SLC37A1: variants seen among roughly 807,000 people sequenced by gnomAD.
The protein encoded by SLC37A1 is solute carrier family 37 member 1, also known as glucose-6-phosphate exchanger SLC37A1.
In SLC37A1, 49 loss-of-function variants were observed where a neutral mutation model predicts 75.3. The observed-to-expected ratio is 0.65, with a 90% CI of 0.52 to 0.83. The LOEUF (loss-of-function observed/expected upper bound fraction) is 0.83. Among genes scored for constraint, SLC37A1 ranks in the 40% least tolerant of loss-of-function variants. The pLI is 0.00. For missense variants in SLC37A1, 566 were observed against 695.0 expected (o/e 0.81, Z 2.09); for synonymous variants, 268 against 292.1 (o/e 0.92, Z 0.84).
chr21:42,553,187 A>T (rs2055598865), intron 9 of SLC37A1, among the ~76,000 whole-genome samples: 1 of 152,184 alleles, frequency 6.6e-6, no homozygotes. Flanking sequence ...TTAGCGTGCA[A>T]GCCTGGTGGT....
intron 2 of SLC37A1, among the ~76,000 whole-genome samples, chr21:42,505,077 C>G (rs2054372172): frequency 1.3e-5 from 2 of 152,220 alleles, no homozygotes; most frequent in Admixed American, 6.5e-5. Context: ...GTCTCCCTGC[C>G]CTTAGTCTCA....
In SLC37A1 at chr21:42,514,437, G is replaced by C. The variant is rs2054483006; in HGVS notation, c.-459G>C. ...ACCCTGCGCATTGTCTGCCGCGATG[G>C]GGACGTGGGCGTGCCCGCGGAATTC... On this transcript the variant is annotated 5_prime_UTR_variant, in exon 1 of 20. Transcript: ENST00000352133. This position sits in a 1 kb window ranked among gnomAD's most constrained non-coding sequence, Gnocchi z 4.8. 1 of 152,234 alleles carries C rather than the reference G, an allele frequency of 6.6e-6. No individual in the cohort carries two copies. Among genetic ancestry groups the C allele is most frequent in the African/African-American group, 2.4e-5 (1 of 41,456 alleles). The allele number at this position is 152,234 out of a possible 1,614,324, so 9.4% of individuals were successfully genotyped here.
In SLC37A1 at chr21:42,530,595, T is replaced by TACACACACAC. The variant is rs71190427; in HGVS notation, c.139-4052_139-4043dup. ...TAGACAGATCGTCAAATGCAGATGA[T>TACACACACAC]ACACACACACACACACACACACACA... On this transcript the variant is annotated intron_variant, in intron 3 of 19. Transcript: ENST00000352133. Among the ~76,000 whole-genome samples the TACACACACAC allele has an allele frequency of 2.8e-3, 290 of 103,162 alleles. 3 individuals carry two copies. The highest frequency in any genetic ancestry group is 0.011 in the East Asian group (37 of 3,428). 67.7% of individuals were successfully genotyped at this position (103,162 alleles called of 152,430 possible). A position where few individuals can be genotyped will look rare whatever the true frequency, so the allele number is the denominator to read the frequency against.
At chr21:42,523,461 C>A (rs943758278) in intron 2 of SLC37A1, among the ~76,000 whole-genome samples, 4 of 152,226 alleles carry the variant, frequency 2.6e-5, no homozygotes, top group Non-Finnish European at 5.9e-5. Context: ...CTTCCTGCAC[C>A]AGCAGTCGAA....
At position 42,547,411 on chromosome 21, in the gene SLC37A1, C is replaced by A. The variant is rs1407860358; in HGVS notation, c.768+271C>A. 2.9e-5 allele frequency: 12 copies of A among 412,204 alleles called. No homozygotes were observed. The East Asian group carries it at 4.7e-4, about 16-fold the overall frequency. The allele number at this position is 412,204 out of a possible 1,614,324, so 25.5% of individuals were successfully genotyped here. A position where few individuals can be genotyped will look rare whatever the true frequency, so the allele number is the denominator to read the frequency against. ...AACCAAAGGCTGGGCCCTGGCCAGG[C>A]CTCCTCAGGAGTGGAGACCTCCTGG... On this transcript the variant is annotated intron_variant, in intron 9 of 19. Transcript: ENST00000352133. This position sits in a 1 kb window ranked among gnomAD's most constrained non-coding sequence, Gnocchi z 6.1.
chr21:42,580,556 G>A lies in SLC37A1; in HGVS notation c.*196G>A. On this transcript the variant is annotated 3_prime_UTR_variant, in exon 20 of 20. Coordinates refer to ENST00000352133, the MANE Select transcript of SLC37A1 (RefSeq NM_001320537.2). The stretch of plus-strand genomic sequence containing the variant: ...AGGAGACATATTGCTGAACAGCAGT[G>A]AGAAAAGTCTGCAGGAACTGCTGCC... The A allele has an allele frequency of 4.9e-6, 3 of 614,486 alleles. No homozygotes were observed. The highest frequency in any genetic ancestry group is 8.4e-6 in the Non-Finnish European group (3 of 359,178). 38.1% of individuals were successfully genotyped at this position (614,486 alleles called of 1,614,324 possible). A position where few individuals can be genotyped will look rare whatever the true frequency, so the allele number is the denominator to read the frequency against.
intron 2 of SLC37A1, among the ~76,000 whole-genome samples, chr21:42,504,005 G>C (rs1039516728): frequency 2.6e-5 from 4 of 152,168 alleles, no homozygotes; most frequent in African/African-American, 4.8e-5. Context: ...CAGAGTCTCA[G>C]TTCAGGGGCC....
At chr21:42,575,486 C>T (rs1289200088) in intron 18 of SLC37A1, 2 of 985,460 alleles carry the variant, frequency 2.0e-6, no homozygotes, top group Non-Finnish European at 2.4e-6. Flanking sequence ...CCCCTTTTCT[C>T]TGGGCTCCTG....
intron 2 of SLC37A1, among the ~76,000 whole-genome samples, chr21:42,524,922 C>T (rs941480876): frequency 6.6e-6 from 1 of 152,134 alleles, no homozygotes. Context: ...CAACCGACCA[C>T]GTGATTAGAG....
At chr21:42,505,063 G>A (rs2054372020) in intron 2 of SLC37A1, among the ~76,000 whole-genome samples, 3 of 152,186 alleles carry the variant, frequency 2.0e-5, no homozygotes, top group Non-Finnish European at 4.4e-5. Context: ...CAACAGCCCA[G>A]GTGGTCTCCC....
rs374467363 is a variant in SLC37A1, at chr21:42,571,618, G to C, written c.1423+3180G>C. On this transcript the variant is annotated intron_variant, in intron 17 of 19. Coordinates refer to ENST00000352133, the MANE Select transcript of SLC37A1 (RefSeq NM_001320537.2). ...TTCCATGTTTCTTGGTTCATCATCT[G>C]AACGTCATCAGCTGTGCTCCTCTTA... Among the ~76,000 whole-genome samples the C allele has an allele frequency of 3.3e-5, 5 of 152,078 alleles. No individual in the cohort carries two copies. In the East Asian group the frequency reaches 9.7e-4, roughly 29 times the overall value.
chr21:42,524,326 C>T (rs985217277), intron 2 of SLC37A1, among the ~76,000 whole-genome samples: 2 of 152,180 alleles, frequency 1.3e-5, no homozygotes, highest in Non-Finnish European at 2.9e-5. Flanking sequence ...GGTTGAGACT[C>T]TTAGACTGGA....
intron 2 of SLC37A1, among the ~76,000 whole-genome samples, chr21:42,521,614 C>A (rs1024103112): frequency 6.6e-6 from 1 of 152,206 alleles, no homozygotes; most frequent in African/African-American, 2.4e-5. Context: ...TCTGAGGAGG[C>A]CCAGAGGGGC....
chr21:42,510,732 C>T (rs1601650553), upstream of SLC37A1, among the ~76,000 whole-genome samples: 3 of 152,246 alleles, frequency 2.0e-5, no homozygotes, highest in Admixed American at 1.3e-4. Context: ...TCAGACAAAA[C>T]AGACTTTAAG....
rs1489452111 is a variant in SLC37A1, at chr21:42,514,494, AGCCGGCACAGAACGCTGGCTCGGAGC to A, written c.-393_-368del. On this transcript the variant is annotated 5_prime_UTR_variant, in exon 1 of 20. It introduces an in-frame stop codon into an upstream open reading frame of the 5' UTR. Transcript: ENST00000352133. The surrounding 1 kb of genome is among the most constrained non-coding windows in gnomAD (Gnocchi z 4.8). ...TCCGGGGACCAGCCGCCCAGGGAGG[AGCCGGCACAGAACGCTGGCTCGGAGC>A]GCCGGCACCCTGGGCCTTTGCGTTG... The A allele has an allele frequency of 1.3e-5, 2 of 152,156 alleles. No homozygotes were observed. The highest frequency in any genetic ancestry group is 2.4e-5 in the African/African-American group (1 of 41,416). The allele number at this position is 152,156 out of a possible 1,614,324, so 9.4% of individuals were successfully genotyped here. A position where few individuals can be genotyped will look rare whatever the true frequency, so the allele number is the denominator to read the frequency against.
rs1051429038 is a variant in SLC37A1 at position 42,574,727 on chromosome 21, T to G, written c.1424-91T>G. 2.7e-5 allele frequency: 32 copies of G among 1,184,732 alleles called. No individual in the cohort carries two copies. The African/African-American group carries it at 2.9e-4, about 11-fold the overall frequency. The allele number at this position is 1,184,732 out of a possible 1,614,324, so 73.4% of individuals were successfully genotyped here. A position where few individuals can be genotyped will look rare whatever the true frequency, so the allele number is the denominator to read the frequency against. ...CCATATGTGTTCCTTTCATTGTGAG[T>G]GAGGTGTTGAGCCCCATTCTCTGTG... On this transcript the variant is annotated intron_variant, in intron 17 of 19. Transcript: ENST00000352133.
At chr21:42,516,138 C>A (rs567494207) in intron 1 of SLC37A1, among the ~76,000 whole-genome samples, 17 of 152,308 alleles carry the variant, frequency 1.1e-4, no homozygotes, top group African/African-American at 3.6e-4. Context: ...TCCAGGGGGG[C>A]CTGTAGAGAG....
intron 18 of SLC37A1, chr21:42,576,129 G>A: frequency 4.8e-6 from 1 of 206,220 alleles, no homozygotes; most frequent in Non-Finnish European, 8.5e-6. Flanking sequence ...TGCCCACACT[G>A]GGTAAGAGAC....
intron 3 of SLC37A1, among the ~76,000 whole-genome samples, chr21:42,530,635 CACACACACACACACA>C (rs1568996974): frequency 2.5e-4 from 10 of 39,850 alleles, no homozygotes; most frequent in South Asian, 2.0e-3. Flanking sequence ...CACACACACA[CACACACACACACACA>C]CACACCCCCT....
Sources: allele counts gnomAD v4.1 joint callset (sites outside exome capture counted in the v4.1 genomes callset), GRCh38; gene constraint gnomAD v4.1.1; non-coding constraint Gnocchi (gnomAD v3.1); transcripts MANE v1.5; gene names NCBI Gene and HGNC (gene_info 2026-07-23, HGNC 2026-07-21).